The following BRINP3 variants were observed in gnomAD, a reference collection of about 807,000 sequenced individuals.
BRINP3 encodes BMP/retinoic acid-inducible neural-specific protein 3.
BRINP3 carries 19 observed loss-of-function variants against 71.0 expected under a neutral mutation model. The observed-to-expected ratio is 0.27, with a 90% CI of 0.19 to 0.39. BRINP3 has a LOEUF of 0.39. Among genes scored for constraint, BRINP3 ranks in the 10% least tolerant of loss-of-function variants. BRINP3 has a pLI of 1.00. For synonymous variants in BRINP3, 380 were observed against 337.7 expected, an observed-to-expected ratio of 1.13 and a Z score of -1.37; for missense variants, 959 against 940.8, an observed-to-expected ratio of 1.02 and a Z score of -0.25.
chr1:190,167,126 G>A (rs1232964025), intron 6 of BRINP3, among the ~76,000 whole-genome samples: 2 of 151,742 alleles, frequency 1.3e-5, no homozygotes, highest in African/African-American at 4.8e-5. Context: ...ATCCGATTTT[G>A]GATTTTGGTT....
chr1:190,161,336 A>G (rs1329694571), intron 6 of BRINP3, among the ~76,000 whole-genome samples: 1 of 151,950 alleles, frequency 6.6e-6, no homozygotes, highest in East Asian at 1.9e-4. Context: ...TAGAAAATAT[A>G]TAAAACCAAA....
intron 4 of BRINP3, among the ~76,000 whole-genome samples, chr1:190,243,287 T>A (rs1042794146): frequency 6.6e-5 from 10 of 152,126 alleles, no homozygotes; most frequent in Admixed American, 5.9e-4. Flanking sequence ...GGCACTTGAT[T>A]GGTCTTGGAG....
chr1:190,264,197 C>T (rs1661447192), intron 4 of BRINP3, among the ~76,000 whole-genome samples: 1 of 146,392 alleles, frequency 6.8e-6, no homozygotes, highest in Non-Finnish European at 1.5e-5. Context: ...ATCTCTTTCT[C>T]TCATTTTCTT....
chr1:190,395,159 A>G (rs1671490349), intron 2 of BRINP3, among the ~76,000 whole-genome samples: 1 of 151,772 alleles, frequency 6.6e-6, no homozygotes, highest in Non-Finnish European at 1.5e-5. Context: ...TGCCACAAGT[A>G]AAACTTAATC....
intron 6 of BRINP3, among the ~76,000 whole-genome samples, chr1:190,212,796 C>T (rs1656097143): frequency 6.6e-6 from 1 of 152,068 alleles, no homozygotes; most frequent in African/African-American, 2.4e-5. Flanking sequence ...AGTGATGTTT[C>T]CATCAGCCTG....
chr1:190,386,878 C>A (rs1399346991), intron 2 of BRINP3, among the ~76,000 whole-genome samples: 1 of 151,952 alleles, frequency 6.6e-6, no homozygotes, highest in Non-Finnish European at 1.5e-5. Context: ...ATTATATTTT[C>A]TTTTGTTCTC....
intron 1 of BRINP3, among the ~76,000 whole-genome samples, chr1:190,471,309 A>C (rs1392245094): frequency 6.6e-6 from 1 of 151,294 alleles, no homozygotes; most frequent in Non-Finnish European, 1.5e-5. Context: ...TTTTCAAAAA[A>C]CAGGATAGAA....
chr1:190,117,406 C>T (rs1052351646), intron 7 of BRINP3, among the ~76,000 whole-genome samples: 3 of 151,962 alleles, frequency 2.0e-5, no homozygotes, highest in Non-Finnish European at 4.4e-5. Context: ...TTTTAAATCA[C>T]TATTTATTAT....
At chr1:190,275,958 T>TAGAG (rs1331626758) in intron 3 of BRINP3, among the ~76,000 whole-genome samples, 1 of 150,156 alleles carries the variant, frequency 6.7e-6, no homozygotes, top group African/African-American at 2.4e-5. Flanking sequence ...GATATATATA[T>TAGAG]ATATAGAGAG....
At chr1:190,271,519 C>A (rs757731478) in intron 3 of BRINP3, among the ~76,000 whole-genome samples, 9 of 151,542 alleles carry the variant, frequency 5.9e-5, no homozygotes, top group Non-Finnish European at 7.4e-5. Context: ...CTGCATAAAT[C>A]AACTCATTCC....
chr1:190,291,425 A>G (rs1429562329), intron 2 of BRINP3, among the ~76,000 whole-genome samples: 1 of 152,110 alleles, frequency 6.6e-6, no homozygotes, highest in African/African-American at 2.4e-5. Flanking sequence ...CAAAATATAT[A>G]AGGTGCTAAA....
chr1:190,118,808 G>A (rs1315123254), intron 7 of BRINP3, among the ~76,000 whole-genome samples: 1 of 152,112 alleles, frequency 6.6e-6, no homozygotes, highest in Non-Finnish European at 1.5e-5. Context: ...GCGGTACTGA[G>A]GGAAAAAGAC....
intron 6 of BRINP3, among the ~76,000 whole-genome samples, chr1:190,187,484 G>T (rs1169214292): frequency 2.0e-5 from 3 of 151,806 alleles, no homozygotes; most frequent in African/African-American, 7.3e-5. Context: ...TATTTTCTGT[G>T]TTTTCTCCTA....
Position 190,098,928 on chromosome 1 carries a change from T to C in BRINP3, c.1391A>G (p.Asn464Ser), listed in dbSNP as rs769195192. ...CCCCTGGCTGAGCATGTAGCCGGTG[T>C]TGCAGGTGCCGCAGCGGGTGCGGTT... is the stretch of plus-strand genomic sequence containing the variant. ...PDNRTRCGTC[N>S]TGYMLSQGLC... Residue 464 changes from asparagine (N) to serine (S), a missense_variant, in exon 8 of 8, where the codon AAC (asparagine) becomes AGC (serine). Transcript: ENST00000367462. 6.2e-7 allele frequency: 1 copy of C among 1,614,162 alleles called. No individual in the cohort carries two copies. The highest frequency in any genetic ancestry group is 2.2e-5 in the East Asian group (1 of 44,874).
chr1:190,426,905 A>C (rs1026499514), intron 2 of BRINP3, among the ~76,000 whole-genome samples: 2 of 151,852 alleles, frequency 1.3e-5, no homozygotes, highest in African/African-American at 2.4e-5. Context: ...GTTATTTCAG[A>C]GATTAGTATG....
At chr1:190,365,250 C>A (rs2102149756) in intron 2 of BRINP3, among the ~76,000 whole-genome samples, 1 of 152,134 alleles carries the variant, frequency 6.6e-6, no homozygotes, top group South Asian at 2.1e-4. Flanking sequence ...GCAGAGATGA[C>A]CACTGTGAAT....
intron 3 of BRINP3, 76 bp from the exon 4 acceptor site, chr1:190,265,131 G>A (rs1226643849): frequency 7.6e-7 from 1 of 1,314,182 alleles, no homozygotes; most frequent in Non-Finnish European, 1.0e-6. Flanking sequence ...AGGTGGAAAG[G>A]TCTAGCTTAT....
At position 190,160,808 on chromosome 1, in the gene BRINP3, A is replaced by T; in HGVS notation, c.1044T>A (p.Asp348Glu). ...GTTCATAACGGCGCTGAAAATTAGA[A>T]TCCATTGTCCACAAATGCATTATAG... ...TSTIMHLWTM[D>E]SNFQRRYEQL... The change falls in exon 7 of 8, where the codon GAT becomes GAA. Residue 348 changes from aspartate (D) to glutamate (E), a missense_variant. Physicochemically the swap from Asp to Glu is conservative, Grantham distance 45. Transcript: ENST00000367462. 6.2e-7 allele frequency: 1 copy of T among 1,613,688 alleles called. No individual in the cohort carries two copies. Among genetic ancestry groups the T allele is most frequent in the Non-Finnish European group, 8.5e-7 (1 of 1,179,720 alleles).
At chr1:190,153,696 A>G (rs1571856037) in intron 7 of BRINP3, among the ~76,000 whole-genome samples, 1 of 152,274 alleles carries the variant, frequency 6.6e-6, no homozygotes, top group East Asian at 1.9e-4. Context: ...CATAGATTCT[A>G]TAATATTAAA....
Sources: allele counts gnomAD v4.1 joint callset (sites outside exome capture counted in the v4.1 genomes callset), GRCh38; gene constraint gnomAD v4.1.1; transcripts MANE v1.5; gene names NCBI Gene and HGNC (gene_info 2026-07-23, HGNC 2026-07-21).